Variants in PRKDC observed in about 807,000 individuals in gnomAD.
PRKDC encodes protein kinase, DNA-activated, catalytic subunit.
A neutral mutation model predicts 486.9 loss-of-function variants in PRKDC; 82 were observed. The ratio of observed to expected loss-of-function variants is 0.17; its 90% confidence interval spans 0.14 to 0.20. The LOEUF (loss-of-function observed/expected upper bound fraction) is 0.20, where lower values mean the gene tolerates loss of function less well. Among genes scored for constraint, PRKDC ranks in the 10% least tolerant of loss-of-function variants. The probability of loss-of-function intolerance (pLI) is 1.00; values close to 1 mark genes in which losing one functional copy is unlikely to be tolerated. For missense variants in PRKDC, 4,504 were observed against 5,038.2 expected (o/e 0.89, Z 3.21); for synonymous variants, 1,895 against 1,837.0 (o/e 1.03, Z -0.81).
intron 60 of PRKDC, among the ~76,000 whole-genome samples, chr8:47,831,464 C>G (rs970356612): frequency 6.6e-6 from 1 of 152,166 alleles, no homozygotes; most frequent in African/African-American, 2.4e-5. Flanking sequence ...CTCGGGGCAC[C>G]GTGGGTCCCA....
intron 45 of PRKDC, among the ~76,000 whole-genome samples, chr8:47,860,173 AATG>A (rs1199766446): frequency 6.6e-6 from 1 of 152,250 alleles, no homozygotes; most frequent in East Asian, 1.9e-4. Flanking sequence ...CATATCAAGA[AATG>A]ATGATAAAGC....
rs779357777 is a variant in PRKDC at position 47,840,183 on chromosome 8, A to G, written c.7287T>C (p.Asp2429=). The G allele has an allele frequency of 3.1e-6, 5 of 1,593,798 alleles. No individual in the cohort carries two copies. Among genetic ancestry groups the G allele is most frequent in the Non-Finnish European group, 4.3e-6 (5 of 1,168,378 alleles). ...TGTCCAAACATACTTTTTGTCTTTC[A>G]TCATCTCTATGGGAGAGATTTTAAA... ...DFVQVMRHRD[D]ERQKVCLDII... Residue 2429 remains aspartate, a synonymous_variant, in exon 55 of 86, where the codon GAT becomes GAC. Coordinates refer to ENST00000314191, the MANE Select transcript of PRKDC (RefSeq NM_006904.7).
chr8:47,890,407 TATA>T lies in PRKDC; in HGVS notation c.3918_3920del (p.Ile1307del), dbSNP rs762457651. 6.2e-7 allele frequency: 1 copy of T among 1,604,456 alleles called. No individual in the cohort carries two copies. The highest frequency in any genetic ancestry group is 8.5e-7 in the Non-Finnish European group (1 of 1,175,022). The stretch of plus-strand genomic sequence containing the variant: ...CAGTGCCAAAGCACTTTTCTGCTGC[TATA>T]ATGTCATGCATGGCAATGCTTTCTA... On this transcript the variant is annotated inframe_deletion, in exon 32 of 86. Transcript: ENST00000314191.
chr8:47,887,091 G>A (rs530573786), intron 35 of PRKDC, among the ~76,000 whole-genome samples: 34 of 152,314 alleles, frequency 2.2e-4, no homozygotes, highest in Admixed American at 2.2e-3. Flanking sequence ...ACAGAGGGCT[G>A]GCTGCAGATT....
chr8:47,904,843 G>T, intron 26 of PRKDC, 26 bp downstream of exon 26: 1 of 1,431,030 alleles, frequency 7.0e-7, no homozygotes, highest in Non-Finnish European at 9.8e-7. Flanking sequence ...ATGGGAGTAA[G>T]AGGAAAAGAA....
Position 47,817,466 on chromosome 8 carries a change from C to A in PRKDC, c.9541G>T (p.Asp3181Tyr). ...ACGTCTTACCGATTTGTGATGATGT[C>A]ATCCCAGATGTTCATTGGGTCCATT... ...AKMDPMNIWD[D>Y]IITNRCFFLS... Residue 3181 changes from aspartate to tyrosine, a missense_variant, in exon 68 of 86, where the codon GAC becomes TAC. This residue lies in a region of PRKDC where 1,592 missense variants were observed against 1,724.6 expected (regional missense o/e 0.92). Coordinates refer to ENST00000314191, the MANE Select transcript of PRKDC (RefSeq NM_006904.7). 6.2e-7 allele frequency: 1 copy of A among 1,601,218 alleles called. No individual in the cohort carries two copies. The highest frequency in any genetic ancestry group is 1.1e-5 in the South Asian group (1 of 89,018).
chr8:47,923,732 G>C (rs1009255681), intron 21 of PRKDC, among the ~76,000 whole-genome samples: 4 of 152,244 alleles, frequency 2.6e-5, no homozygotes, highest in South Asian at 2.1e-4. Context: ...TCCAGGAATT[G>C]AGAATCATGC....
At chr8:47,851,353 C>T (rs1048561544) in intron 52 of PRKDC, among the ~76,000 whole-genome samples, 1 of 152,144 alleles carries the variant, frequency 6.6e-6, no homozygotes, top group African/African-American at 2.4e-5. Context: ...TAAAAAAGTT[C>T]TACTGAATTT....
intron 70 of PRKDC, among the ~76,000 whole-genome samples, chr8:47,801,638 T>C (rs935434344): frequency 6.6e-6 from 1 of 152,244 alleles, no homozygotes; most frequent in Non-Finnish European, 1.5e-5. Context: ...TGTTTGTACA[T>C]ATATTAATAA....
At chr8:47,808,512 G>A (rs1198398284) in intron 68 of PRKDC, among the ~76,000 whole-genome samples, 1 of 151,956 alleles carries the variant, frequency 6.6e-6, no homozygotes, top group African/African-American at 2.4e-5. Context: ...TGCCCAGCCT[G>A]TAGTGCAGTA....
intron 1 of PRKDC, among the ~76,000 whole-genome samples, chr8:47,958,764 C>T (rs1335517821): frequency 2.8e-5 from 4 of 145,166 alleles, no homozygotes; most frequent in Non-Finnish European, 6.0e-5. Flanking sequence ...GGGACGGAGT[C>T]GTGCTCTGTT....
At chr8:47,950,868 T>C (rs2090615790) in intron 7 of PRKDC, among the ~76,000 whole-genome samples, 1 of 151,760 alleles carries the variant, frequency 6.6e-6, no homozygotes, top group East Asian at 1.9e-4. Context: ...CTCAGCTATT[T>C]TTGATGCTGA....
chr8:47,955,327 T>C (rs1290639168), intron 4 of PRKDC, among the ~76,000 whole-genome samples: 1 of 148,354 alleles, frequency 6.7e-6, no homozygotes, highest in Non-Finnish European at 1.5e-5. Flanking sequence ...CCGGGCGTAG[T>C]GGCGGGCGCC....
chr8:47,910,900 T>C (rs2089889071), intron 25 of PRKDC, among the ~76,000 whole-genome samples: 1 of 152,150 alleles, frequency 6.6e-6, no homozygotes. Flanking sequence ...TCAATACTAA[T>C]ATATGAAATA....
In PRKDC at chr8:47,953,853, T is replaced by C. The variant is rs770175038; in HGVS notation, c.575A>G (p.Asn192Ser). Reference sequence around the variant, plus strand: ...AAAAGCGCGGAACAGGTTTTCTGCATTATTTATCATCTCACTAGGATGAAC... The same window carrying C: ...AAAAGCGCGGAACAGGTTTTCTGCACTATTTATCATCTCACTAGGATGAAC... ...GEVHPSEMIN[N>S]AENLFRAFLG... Residue 192 changes from asparagine (N) to serine (S), a missense_variant, in exon 6 of 86, where the codon AAT becomes AGT. By Grantham distance (46) the Asn-to-Ser change is conservative. Around this residue, in one of 6 missense-constraint regions of PRKDC, gnomAD observed 1,969 missense variants for 2,068.9 expected, o/e 0.95. Transcript: ENST00000314191. 3.8e-6 allele frequency: 6 copies of C among 1,569,874 alleles called. No homozygotes were observed. The East Asian group carries it at 9.2e-5, about 24-fold the overall frequency.
intron 51 of PRKDC, among the ~76,000 whole-genome samples, chr8:47,853,721 C>T (rs961668401): frequency 2.0e-5 from 3 of 152,226 alleles, no homozygotes; most frequent in African/African-American, 7.2e-5. Flanking sequence ...ACACCTCTCA[C>T]CTTCCAGCAT....
At chr8:47,903,399 T>A (rs1186835563) in intron 26 of PRKDC, among the ~76,000 whole-genome samples, 1 of 152,242 alleles carries the variant, frequency 6.6e-6, no homozygotes, top group Non-Finnish European at 1.5e-5. Context: ...AGGAAAAGTT[T>A]AACTTGAAAA....
chr8:47,791,247 T>C (rs1406939976), intron 74 of PRKDC, among the ~76,000 whole-genome samples: 4 of 152,026 alleles, frequency 2.6e-5, no homozygotes, highest in Non-Finnish European at 5.9e-5. Context: ...GAGGCCAAGG[T>C]GGGCAGATCA....
rs561034318 is a variant in PRKDC at position 47,921,939 on chromosome 8, C to A, written c.2420-3556G>T. 2.0e-5 allele frequency among the ~76,000 whole-genome samples: 3 copies of A among 152,152 alleles called. No homozygotes were observed. In the East Asian group the frequency reaches 5.8e-4, roughly 30 times the overall value. The stretch of plus-strand genomic sequence containing the variant: ...GGGATTACAGGTGTGTGCCACCACA[C>A]CCAGATAATTTTTGTATTTTTAGTA... On this transcript the variant is annotated intron_variant, in intron 21 of 85. Coordinates refer to ENST00000314191, the MANE Select transcript of PRKDC (RefSeq NM_006904.7).
Sources: gnomAD v4.1 joint callset for allele counts (sites outside exome capture counted in the v4.1 genomes callset) on GRCh38, gnomAD v4.1.1 for gene constraint, gnomAD v4.1.1 regional missense constraint, MANE v1.5 for transcripts, NCBI Gene and HGNC (gene_info 2026-07-23, HGNC 2026-07-21) for gene names.